EMCN: variants seen among roughly 807,000 people sequenced by gnomAD.
EMCN encodes endomucin.
EMCN carries 37 observed loss-of-function variants against 38.4 expected under a neutral mutation model. That is an observed-to-expected ratio of 0.96 (90% CI 0.74 to 1.27). EMCN has a LOEUF of 1.27. Among genes scored for constraint, EMCN ranks in the 50% most tolerant of loss-of-function variants. EMCN has a pLI of 0.00. For synonymous variants in EMCN, 95 were observed against 100.8 expected, an observed-to-expected ratio of 0.94 and a Z score of 0.35; for missense variants, 318 against 302.8, an observed-to-expected ratio of 1.05 and a Z score of -0.37.
chr4:100,484,552 G>A (rs1728892105), intron 1 of EMCN, among the ~76,000 whole-genome samples: 2 of 152,064 alleles, frequency 1.3e-5, no homozygotes, highest in South Asian at 4.2e-4. Context: ...ACTGGCTAAA[G>A]TCAGAGTTTT....
rs1726125403 is a variant in EMCN, at chr4:100,396,542, T to C, written c.*1871A>G. On this transcript the variant is annotated 3_prime_UTR_variant, in exon 12 of 12. Coordinates refer to ENST00000296420, the MANE Select transcript of EMCN (RefSeq NM_016242.4). ...ACTTTCTTTCTTTCTTTTTTTTCCT[T>C]TTTTTTTTTTTTTTTTTTGAGACAG... The C allele has an allele frequency of 1.5e-5, 2 of 129,190 alleles. No individual in the cohort carries two copies. The highest frequency in any genetic ancestry group is 6.6e-5 in the African/African-American group (2 of 30,502). 8.0% of individuals were successfully genotyped at this position (129,190 alleles called of 1,614,324 possible). A position where few individuals can be genotyped will look rare whatever the true frequency, so the allele number is the denominator to read the frequency against.
At chr4:100,435,026 G>A (rs1196251670) in intron 5 of EMCN, among the ~76,000 whole-genome samples, 1 of 151,952 alleles carries the variant, frequency 6.6e-6, no homozygotes, top group Admixed American at 6.6e-5. Flanking sequence ...TTCTGGCCAG[G>A]GCAATTAGGC....
chr4:100,431,023 A>T (rs1359178133), intron 5 of EMCN, among the ~76,000 whole-genome samples: 1 of 152,160 alleles, frequency 6.6e-6, no homozygotes, highest in Non-Finnish European at 1.5e-5. Context: ...GTTTCACTTT[A>T]TATAAGTTCC....
At chr4:100,477,302 T>C (rs1728688066) in intron 2 of EMCN, among the ~76,000 whole-genome samples, 1 of 152,252 alleles carries the variant, frequency 6.6e-6, no homozygotes, top group Non-Finnish European at 1.5e-5. Context: ...TCCTAGAAGT[T>C]CATTTTATGA....
At chr4:100,509,827 G>A (rs1178168586) in intron 1 of EMCN, among the ~76,000 whole-genome samples, 1 of 152,112 alleles carries the variant, frequency 6.6e-6, no homozygotes, top group Admixed American at 6.6e-5. Context: ...CAACTAGTAA[G>A]GGAAAATTCT....
intron 3 of EMCN, among the ~76,000 whole-genome samples, chr4:100,474,799 A>G (rs572811593): frequency 4.6e-5 from 7 of 152,334 alleles, no homozygotes; most frequent in African/African-American, 1.7e-4. Context: ...AGAACAGGCA[A>G]ATCTATAAAG....
intron 1 of EMCN, among the ~76,000 whole-genome samples, chr4:100,504,271 A>G (rs964916295): frequency 6.6e-6 from 1 of 152,186 alleles, no homozygotes; most frequent in Non-Finnish European, 1.5e-5. Context: ...TGGGAAATCT[A>G]GAGAATTAAA....
chr4:100,403,646 C>G (rs1241276285), intron 11 of EMCN, among the ~76,000 whole-genome samples: 3 of 152,058 alleles, frequency 2.0e-5, no homozygotes, highest in Non-Finnish European at 2.9e-5. Context: ...TGAGAAATCT[C>G]CAGGCTGTTT....
chr4:100,424,333 G>A (rs986880277), intron 5 of EMCN, among the ~76,000 whole-genome samples: 1 of 152,038 alleles, frequency 6.6e-6, no homozygotes, highest in Non-Finnish European at 1.5e-5. Context: ...TGAATTGCAA[G>A]TTCCTAGAGT....
intron 1 of EMCN, among the ~76,000 whole-genome samples, chr4:100,492,169 G>A: frequency 6.6e-6 from 1 of 152,002 alleles, no homozygotes; most frequent in East Asian, 1.9e-4. Flanking sequence ...AACATTAAAT[G>A]AAACAATACA....
intron 5 of EMCN, among the ~76,000 whole-genome samples, chr4:100,445,016 G>A (rs192493249): frequency 2.0e-5 from 3 of 152,248 alleles, no homozygotes; most frequent in Admixed American, 6.5e-5. Flanking sequence ...GTCTCTTCTG[G>A]TTTTGAGTTG....
chr4:100,488,997 T>C (rs996363458), intron 1 of EMCN, among the ~76,000 whole-genome samples: 1 of 152,200 alleles, frequency 6.6e-6, no homozygotes, highest in Non-Finnish European at 1.5e-5. Context: ...ATTACTTTTA[T>C]TTACATTATT....
At chr4:100,435,272 A>G (rs1439263277) in intron 5 of EMCN, among the ~76,000 whole-genome samples, 2 of 152,198 alleles carry the variant, frequency 1.3e-5, no homozygotes, top group Admixed American at 6.6e-5. Context: ...ACTCACATTC[A>G]TAATTGCTAC....
At chr4:100,406,909 G>T (rs1018264981) in intron 11 of EMCN, among the ~76,000 whole-genome samples, 2 of 152,102 alleles carry the variant, frequency 1.3e-5, no homozygotes, top group African/African-American at 4.8e-5. Context: ...TCCAGGTGCT[G>T]TAGTATTGGG....
chr4:100,459,889 G>A (rs1310739334), intron 4 of EMCN, among the ~76,000 whole-genome samples: 1 of 152,100 alleles, frequency 6.6e-6, no homozygotes, highest in Non-Finnish European at 1.5e-5. Flanking sequence ...TGATGAACAT[G>A]AGAATTAAAT....
chr4:100,497,280 G>A (rs1347753089), intron 1 of EMCN, among the ~76,000 whole-genome samples: 1 of 149,340 alleles, frequency 6.7e-6, no homozygotes, highest in African/African-American at 2.5e-5. Context: ...TAACCTATGA[G>A]CCAGTAAGTA....
intron 3 of EMCN, among the ~76,000 whole-genome samples, chr4:100,467,158 A>G (rs1728339043): frequency 6.6e-6 from 1 of 152,228 alleles, no homozygotes; most frequent in South Asian, 2.1e-4. Context: ...CCTACACTCA[A>G]TGTAGGACAG....
intron 3 of EMCN, among the ~76,000 whole-genome samples, chr4:100,469,582 TTAATC>T (rs1204604969): frequency 3.2e-5 from 3 of 93,814 alleles, no homozygotes; most frequent in African/African-American, 8.3e-5. Context: ...ATTTAAGTCT[TTAATC>T]TATCGAGTTA....
chr4:100,513,287 A>T (rs1729674216), intron 1 of EMCN, among the ~76,000 whole-genome samples: 1 of 152,198 alleles, frequency 6.6e-6, no homozygotes, highest in African/African-American at 2.4e-5. Context: ...GTCTTCCTAC[A>T]ATAGACTACC....
Sources: allele counts gnomAD v4.1 joint callset (sites outside exome capture counted in the v4.1 genomes callset), GRCh38; gene constraint gnomAD v4.1.1; transcripts MANE v1.5; gene names NCBI Gene and HGNC (gene_info 2026-07-23, HGNC 2026-07-21).